Variants in SDK1 observed in about 807,000 individuals in gnomAD.
The protein encoded by SDK1 is sidekick cell adhesion molecule 1, also known as protein sidekick-1.
A neutral mutation model predicts 245.5 loss-of-function variants in SDK1; 157 were observed. The ratio of observed to expected loss-of-function variants is 0.64; its 90% CI spans 0.56 to 0.73. The LOEUF is 0.73. Among genes scored for constraint, SDK1 ranks in the 30% least tolerant of loss-of-function variants. SDK1 has a pLI of 0.00. For synonymous variants in SDK1, 1,647 were observed against 1,278.5 expected, an observed-to-expected ratio of 1.29 and a Z score of -6.15; for missense variants, 3,583 against 3,002.3, an observed-to-expected ratio of 1.19 and a Z score of -4.52.
intron 4 of SDK1, among the ~76,000 whole-genome samples, chr7:3,657,818 T>A (rs755628089): frequency 2.6e-5 from 4 of 152,220 alleles, no homozygotes; most frequent in Non-Finnish European, 5.9e-5. Flanking sequence ...AGAGGAAGTC[T>A]TATCACACCA....
chr7:3,365,043 T>G (rs1375129093), intron 1 of SDK1, among the ~76,000 whole-genome samples: 5 of 152,204 alleles, frequency 3.3e-5, no homozygotes, highest in African/African-American at 4.8e-5. Flanking sequence ...AGTATTGTAT[T>G]TTAAATTTTG....
At chr7:3,352,531 C>T (rs1274249389) in intron 1 of SDK1, among the ~76,000 whole-genome samples, 1 of 152,040 alleles carries the variant, frequency 6.6e-6, no homozygotes, top group South Asian at 2.1e-4. Flanking sequence ...GCTGATAGAC[C>T]AGCTGTGCCT....
intron 1 of SDK1, among the ~76,000 whole-genome samples, chr7:3,329,072 ATTAT>A (rs1300792879): frequency 6.6e-6 from 1 of 152,164 alleles, no homozygotes; most frequent in Non-Finnish European, 1.5e-5. Flanking sequence ...ACTGCTAGAC[ATTAT>A]TTAAGTAGGT....
intron 1 of SDK1, among the ~76,000 whole-genome samples, chr7:3,487,008 T>C (rs545789231): frequency 2.0e-5 from 3 of 152,344 alleles, no homozygotes; most frequent in African/African-American, 7.2e-5. Context: ...GTTGGCAATT[T>C]TTTCTTGTAA....
intron 1 of SDK1, among the ~76,000 whole-genome samples, chr7:3,577,239 TC>T (rs1206710855): frequency 6.6e-6 from 1 of 152,018 alleles, no homozygotes; most frequent in Non-Finnish European, 1.5e-5. Flanking sequence ...ACTCTACAAA[TC>T]ATCACATGGT....
chr7:3,423,620 A>G (rs1779592125), intron 1 of SDK1, among the ~76,000 whole-genome samples: 1 of 151,984 alleles, frequency 6.6e-6, no homozygotes, highest in African/African-American at 2.4e-5. Context: ...CCTAAATATA[A>G]AGGAGGTATA....
intron 17 of SDK1, among the ~76,000 whole-genome samples, chr7:4,044,371 G>C (rs58133258): frequency 0.14 from 20,757 of 152,252 alleles, 1,729 homozygotes; most frequent in African/African-American, 0.22. Flanking sequence ...AGCAGTCTCA[G>C]AGCCTACATT....
chr7:3,938,719 T>C (rs1049342017), intron 5 of SDK1, among the ~76,000 whole-genome samples: 1 of 151,980 alleles, frequency 6.6e-6, no homozygotes, highest in Non-Finnish European at 1.5e-5. Context: ...CATCCAATCA[T>C]GCAGCTCCTA....
intron 4 of SDK1, among the ~76,000 whole-genome samples, chr7:3,727,813 C>T (rs1329500453): frequency 6.6e-6 from 1 of 152,046 alleles, no homozygotes; most frequent in Non-Finnish European, 1.5e-5. Flanking sequence ...AATGAGTCAC[C>T]AGGAATAAAA....
intron 1 of SDK1, among the ~76,000 whole-genome samples, chr7:3,455,956 A>C (rs1225691373): frequency 6.6e-6 from 1 of 152,168 alleles, no homozygotes. Flanking sequence ...TCCTTGTCTT[A>C]GAATGTTCTT....
intron 17 of SDK1, among the ~76,000 whole-genome samples, chr7:4,036,394 A>C (rs1788221905): frequency 6.6e-6 from 1 of 152,246 alleles, no homozygotes; most frequent in African/African-American, 2.4e-5. Context: ...CAGGTATTTC[A>C]AAATAATGGG....
At chr7:3,608,512 C>G (rs191677552) in intron 1 of SDK1, among the ~76,000 whole-genome samples, 1 of 152,146 alleles carries the variant, frequency 6.6e-6, no homozygotes, top group African/African-American at 2.4e-5. Context: ...AAATTGAGCT[C>G]ATAAGTAAAA....
intron 3 of SDK1, among the ~76,000 whole-genome samples, chr7:3,641,735 A>C (rs368304440): frequency 6.6e-6 from 1 of 152,204 alleles, no homozygotes. Flanking sequence ...GGCTTTGCTG[A>C]GGAATGTGCA....
chr7:4,158,769 T>C (rs1200044256), intron 31 of SDK1, among the ~76,000 whole-genome samples: 1 of 152,228 alleles, frequency 6.6e-6, no homozygotes, highest in Non-Finnish European at 1.5e-5. Flanking sequence ...GTTTCTTTGA[T>C]TGGCTTCTAA....
chr7:4,174,122 T>C (rs2128217506), intron 32 of SDK1, 100 bp from the exon 33 acceptor site: 1 of 1,342,174 alleles, frequency 7.5e-7, no homozygotes, highest in Non-Finnish European at 1.0e-6. Flanking sequence ...GACTTTCTTC[T>C]GTGCAGCTGG....
intron 22 of SDK1, among the ~76,000 whole-genome samples, chr7:4,082,993 T>A (rs28721959): frequency 0.012 from 1,776 of 152,090 alleles, 34 homozygotes; most frequent in African/African-American, 0.04. Flanking sequence ...AACATCTCTT[T>A]ACGGTGGTTT....
Position 3,987,233 on chromosome 7 carries a change from C to T in SDK1, c.2042C>T (p.Ser681Phe). Reference protein sequence around the residue: ...PQNLLVSPNSSHSHAVVLSWV... With the variant: ...PQNLLVSPNSFHSHAVVLSWV... ...AACCTCCTGGTCAGCCCTAATTCTTCCCACAGCCACGCCGTGGTGCTCTCT... is the reference window on the plus strand; with the variant it reads ...AACCTCCTGGTCAGCCCTAATTCTTTCCACAGCCACGCCGTGGTGCTCTCT... Residue 681 changes from serine to phenylalanine, a missense_variant, in exon 14 of 45, where the codon TCC becomes TTC. Physicochemically the swap from Ser to Phe is radical, Grantham distance 155 (BLOSUM62 -2). Coordinates refer to ENST00000404826, the MANE Select transcript of SDK1 (RefSeq NM_152744.4). The T allele has an allele frequency of 2.5e-6, 4 of 1,614,066 alleles. No individual in the cohort carries two copies. Among genetic ancestry groups the T allele is most frequent in the Non-Finnish European group, 3.4e-6 (4 of 1,179,944 alleles).
intron 22 of SDK1, among the ~76,000 whole-genome samples, chr7:4,110,395 G>A (rs1261310330): frequency 6.6e-6 from 1 of 152,226 alleles, no homozygotes; most frequent in African/African-American, 2.4e-5. Context: ...GTTCCCAGGG[G>A]TTTCACTGTT....
At chr7:3,892,763 C>T (rs1260124896) in intron 5 of SDK1, among the ~76,000 whole-genome samples, 3 of 152,196 alleles carry the variant, frequency 2.0e-5, no homozygotes, top group Admixed American at 6.5e-5. Context: ...AGCTATGCAG[C>T]CAGCTCAGTG....
Sources: allele counts gnomAD v4.1 joint callset (sites outside exome capture counted in the v4.1 genomes callset), GRCh38; gene constraint gnomAD v4.1.1; transcripts MANE v1.5; gene names NCBI Gene and HGNC (gene_info 2026-07-23, HGNC 2026-07-21).